OPTN: variants seen among roughly 807,000 people sequenced by gnomAD.
OPTN encodes the protein optineurin.
OPTN carries 54 observed loss-of-function variants against 70.4 expected under a neutral mutation model. The ratio of observed to expected loss-of-function variants is 0.77; its 90% CI spans 0.62 to 0.96. The LOEUF is 0.96. Ranked by LOEUF, OPTN falls within the 40% of genes least tolerant of loss-of-function variation. The pLI, the probability that OPTN is intolerant of heterozygous loss-of-function variation, is 0.00. For synonymous variants in OPTN, 256 were observed against 248.5 expected (o/e 1.03, Z -0.28); for missense variants, 624 against 673.2 (o/e 0.93, Z 0.81).
At chr10:13,114,328 A>T (rs567401354) in intron 5 of OPTN, among the ~76,000 whole-genome samples, 2 of 152,264 alleles carry the variant, frequency 1.3e-5, no homozygotes, top group African/African-American at 4.8e-5. Context: ...ATGTCAATTG[A>T]AAAGCGTATT....
At chr10:13,112,956 A>G (rs1044320042) in intron 5 of OPTN, among the ~76,000 whole-genome samples, 23 of 152,104 alleles carry the variant, frequency 1.5e-4, no homozygotes, top group African/African-American at 5.1e-4. Flanking sequence ...GTCATTTTTC[A>G]AACTAGGTCT....
chr10:13,136,762 T>C lies in OPTN; in HGVS notation c.1630T>C (p.Trp544Arg), dbSNP rs1833709573. Residue 544 changes from tryptophan (W) to arginine (R), a missense_variant, in exon 15 of 15, where the codon TGG (tryptophan) becomes CGG (arginine). By Grantham distance (101) the Trp-to-Arg change is moderately radical (BLOSUM62 -3). Transcript: ENST00000378747. ...ATTCCCAGGAGCTGAGGACAGGGAC[T>C]GGCGGCAACAGCGGAATATTCCGAT... ...LVQRGAEDRD[W>R]RQQRNIPIHS... 1.2e-6 allele frequency: 2 copies of C among 1,613,968 alleles called. No homozygotes were observed. Among genetic ancestry groups the C allele is most frequent in the Non-Finnish European group, 8.5e-7 (1 of 1,179,972 alleles).
intron 13 of OPTN, among the ~76,000 whole-genome samples, chr10:13,132,642 G>A (rs995528278): frequency 3.9e-5 from 6 of 151,946 alleles, no homozygotes; most frequent in African/African-American, 7.3e-5. Context: ...TCAGCCTCCC[G>A]AGTAGCTGGA....
In OPTN at chr10:13,118,925, G is replaced by A; in HGVS notation, c.664G>A (p.Ala222Thr). 1.2e-6 allele frequency: 2 copies of A among 1,614,092 alleles called. No individual in the cohort carries two copies. The highest frequency in any genetic ancestry group is 1.3e-5 in the African/African-American group (1 of 75,040). Residue 222 changes from alanine to threonine, a missense_variant, in exon 7 of 15, where the codon GCC becomes ACC. Ala to Thr is a moderately conservative substitution (Grantham distance 58). Coordinates refer to ENST00000378747, the MANE Select transcript of OPTN (RefSeq NM_001008212.2). ...SKYRSRSADG[A>T]KNYFEHEELT... ...ATATAGGAGCAGATCTGCAGATGGG[G>A]CCAAGAATTACTTCGAACATGAGGA...
chr10:13,121,500 T>TAAAAAAAA (rs200687404), intron 7 of OPTN, among the ~76,000 whole-genome samples: 1 of 90,876 alleles, frequency 1.1e-5, no homozygotes. Flanking sequence ...GATTATCCTG[T>TAAAAAAAA]AAAAAAAAAA....
chr10:13,111,469 G>A (rs1356173911), intron 4 of OPTN, among the ~76,000 whole-genome samples: 2 of 152,238 alleles, frequency 1.3e-5, no homozygotes, highest in African/African-American at 2.4e-5. Flanking sequence ...AGGCTAGGGT[G>A]GGCAGATCAC....
In OPTN at chr10:13,125,585, G is replaced by T. The variant is rs772160796; in HGVS notation, c.1148+18G>T. ...GATGAAAAGTGAGTATGTTGAGTCA[G>T]AAGGGCAGCGACGGGGCAGAGGAGG... On this transcript the variant is annotated intron_variant, in intron 10 of 14. Transcript: ENST00000378747. 2 of 1,614,036 alleles carry T rather than the reference G, an allele frequency of 1.2e-6. No individual in the cohort carries two copies. Among genetic ancestry groups the T allele is most frequent in the Admixed American group, 3.3e-5 (2 of 60,014 alleles).
chr10:13,102,858 G>A (rs1832780005), intron 1 of OPTN, among the ~76,000 whole-genome samples: 1 of 152,064 alleles, frequency 6.6e-6, no homozygotes, highest in African/African-American at 2.4e-5. Flanking sequence ...TGGGAGAATT[G>A]CTTGAACCTG....
chr10:13,129,153 G>A (rs752329230), intron 12 of OPTN, among the ~76,000 whole-genome samples: 1 of 151,926 alleles, frequency 6.6e-6, no homozygotes, highest in Non-Finnish European at 1.5e-5. Context: ...ATGAGGTAAG[G>A]GTAAATATTT....
intron 1 of OPTN, among the ~76,000 whole-genome samples, chr10:13,104,254 CTTTTTTT>C (rs60982439): frequency 1.0e-4 from 10 of 97,830 alleles, no homozygotes; most frequent in Non-Finnish European, 1.5e-4. Flanking sequence ...GTTTTTTTTT[CTTTTTTT>C]TTTTTTTTTT....
intron 1 of OPTN, among the ~76,000 whole-genome samples, chr10:13,104,974 A>AT (rs1047824809): frequency 6.6e-6 from 1 of 151,728 alleles, no homozygotes; most frequent in Non-Finnish European, 1.5e-5. Flanking sequence ...TAATTTATGT[A>AT]TTTTTAGTAG....
chr10:13,134,439 T>C (rs565078513), intron 14 of OPTN, among the ~76,000 whole-genome samples: 143 of 152,320 alleles, frequency 9.4e-4, no homozygotes, highest in Non-Finnish European at 1.9e-3. Flanking sequence ...TTTTTATTTC[T>C]ATTTTTATTT....
At chr10:13,112,038 CG>C (rs1455398172) in intron 4 of OPTN, among the ~76,000 whole-genome samples, 2 of 151,154 alleles carry the variant, frequency 1.3e-5, no homozygotes, top group Non-Finnish European at 2.9e-5. Flanking sequence ...TTAGTAGAGA[CG>C]GGGTTTCACT....
rs551857130 is a variant in OPTN at position 13,103,966 on chromosome 10, G to A, written c.-164+3664G>A. ...TCACATCTAGGTCAGTTGATTATGG[G>A]AAACTCTGTTATTTGATAGAATCTT... On this transcript the variant is annotated intron_variant, in intron 1 of 14. Transcript: ENST00000378747. Among the ~76,000 whole-genome samples the A allele has an allele frequency of 4.6e-5, 7 of 152,246 alleles. No individual in the cohort carries two copies. In the South Asian group the frequency reaches 1.2e-3, roughly 27 times the overall value.
intron 14 of OPTN, 143 bp downstream of exon 14, chr10:13,133,724 C>T: frequency 1.3e-6 from 1 of 742,172 alleles, no homozygotes. Flanking sequence ...ATTACCACAG[C>T]ACTCCCATCT....
At chr10:13,113,904 A>C (rs1316393100) in intron 5 of OPTN, among the ~76,000 whole-genome samples, 1 of 151,988 alleles carries the variant, frequency 6.6e-6, no homozygotes, top group Non-Finnish European at 1.5e-5. Flanking sequence ...CATAAAAAAA[A>C]AATACAAAAA....
At chr10:13,117,302 G>C (rs958722553) in intron 6 of OPTN, among the ~76,000 whole-genome samples, 1 of 151,558 alleles carries the variant, frequency 6.6e-6, no homozygotes, top group African/African-American at 2.4e-5. Flanking sequence ...GGATGGTCTC[G>C]ATCTCCTGAC....
At chr10:13,136,656 G>T in intron 14 of OPTN, 89 bp from the exon 15 acceptor site, 1 of 1,519,940 alleles carries the variant, frequency 6.6e-7, no homozygotes, top group Non-Finnish European at 9.0e-7. Flanking sequence ...AAGTTGAACT[G>T]ATGTTAAAAC....
rs115043792 is a variant in OPTN at position 13,112,971 on chromosome 10, G to A, written c.552+336G>A. Among the ~76,000 whole-genome samples, 646 of 152,008 alleles carry A rather than the reference G, an allele frequency of 4.2e-3. 3 individuals are homozygous for A. The highest frequency in any genetic ancestry group is 0.014 in the African/African-American group (577 of 41,434). On this transcript the variant is annotated intron_variant, in intron 5 of 14. Transcript: ENST00000378747. Reference sequence around the variant, plus strand: ...GTCATTTTTCAAACTAGGTCTCAAAGCTGTATTCCGCAGTTCACTTAAGGG... The same window carrying A: ...GTCATTTTTCAAACTAGGTCTCAAAACTGTATTCCGCAGTTCACTTAAGGG...
Sources: allele counts gnomAD v4.1 joint callset (sites outside exome capture counted in the v4.1 genomes callset), GRCh38; gene constraint gnomAD v4.1.1; transcripts MANE v1.5; gene names NCBI Gene and HGNC (gene_info 2026-07-23, HGNC 2026-07-21).